Variants in KCNJ3 observed in about 807,000 individuals in gnomAD.
The protein encoded by KCNJ3 is G protein-activated inward rectifier potassium channel 1.
A neutral mutation model predicts 39.2 loss-of-function variants in KCNJ3; 4 were observed. The ratio of observed to expected loss-of-function variants is 0.10; its 90% CI spans 0.05 to 0.23. The LOEUF is 0.23. Among genes scored for constraint, KCNJ3 ranks in the 10% least tolerant of loss-of-function variants. The pLI is 1.00. For synonymous variants in KCNJ3, 230 were observed against 237.4 expected (o/e 0.97, Z 0.29); for missense variants, 276 against 634.9 (o/e 0.43, Z 6.08).
intron 2 of KCNJ3, among the ~76,000 whole-genome samples, chr2:154,813,736 T>TA (rs1218245249): frequency 6.6e-6 from 1 of 152,186 alleles, no homozygotes; most frequent in Non-Finnish European, 1.5e-5. Context: ...AATGTGTAAC[T>TA]CTTGTTATGG....
At chr2:154,746,120 A>ATTTTC (rs1426965804) in intron 2 of KCNJ3, among the ~76,000 whole-genome samples, 2 of 152,026 alleles carry the variant, frequency 1.3e-5, no homozygotes, top group African/African-American at 4.8e-5. Context: ...TACTTAATGA[A>ATTTTC]TAGTAAATAG....
rs903226697 is a variant in KCNJ3, at chr2:154,855,460, T to C, written c.*147T>C. On this transcript the variant is annotated 3_prime_UTR_variant, in exon 3 of 3. Coordinates refer to ENST00000295101, the MANE Select transcript of KCNJ3 (RefSeq NM_002239.4). Reference sequence around the variant, plus strand: ...TGAGAACCCTTCCTTTCCCAAGTATTGCGAATGTGCAGAAAGCAACAGTTA... The same window carrying C: ...TGAGAACCCTTCCTTTCCCAAGTATCGCGAATGTGCAGAAAGCAACAGTTA... 1.1e-5 allele frequency: 7 copies of C among 621,328 alleles called. 1 individual carries two copies. The East Asian group carries it at 1.9e-4, about 17-fold the overall frequency. The allele number at this position is 621,328 out of a possible 1,614,324, so 38.5% of individuals were successfully genotyped here.
In KCNJ3 at chr2:154,698,962, G is replaced by C. The variant is rs1392113942; in HGVS notation, c.187G>C (p.Glu63Gln). ...CNVQHGNLGS[E>Q]TSRYLSDLFT... ...TGTACAGCACGGCAACCTGGGCAGC[G>C]AGACAAGCCGCTACCTCTCGGACCT... The change falls in exon 1 of 3, where the codon GAG becomes CAG. Residue 63 changes from glutamate to glutamine, a missense_variant. Around this residue, in one of 4 missense-constraint regions of KCNJ3, gnomAD observed 46 missense variants for 206.6 expected, o/e 0.22. Coordinates refer to ENST00000295101, the MANE Select transcript of KCNJ3 (RefSeq NM_002239.4). 1 of 1,614,156 alleles carries C rather than the reference G, an allele frequency of 6.2e-7. No homozygotes were observed. The highest frequency in any genetic ancestry group is 8.5e-7 in the Non-Finnish European group (1 of 1,180,030).
chr2:154,740,999 G>T (rs952400356), intron 2 of KCNJ3, among the ~76,000 whole-genome samples: 5 of 151,910 alleles, frequency 3.3e-5, no homozygotes, highest in African/African-American at 1.2e-4. Flanking sequence ...TGGAATTAAT[G>T]TTGAGAGAAT....
At chr2:154,848,004 A>G (rs571810048) in intron 2 of KCNJ3, among the ~76,000 whole-genome samples, 33 of 152,290 alleles carry the variant, frequency 2.2e-4, no homozygotes, top group Middle Eastern at 3.4e-3. Flanking sequence ...GTGATACCAA[A>G]AGGCTTTGTT....
At chr2:154,790,000 G>A (rs936868169) in intron 2 of KCNJ3, among the ~76,000 whole-genome samples, 1 of 152,004 alleles carries the variant, frequency 6.6e-6, no homozygotes, top group African/African-American at 2.4e-5. Context: ...GTTCCATCAA[G>A]TCTTATTAAG....
chr2:154,809,461 C>A (rs1445736941), intron 2 of KCNJ3, among the ~76,000 whole-genome samples: 1 of 152,066 alleles, frequency 6.6e-6, no homozygotes, highest in Non-Finnish European at 1.5e-5. Flanking sequence ...GGTTAATTAC[C>A]AAATTGAGAG....
intron 1 of KCNJ3, among the ~76,000 whole-genome samples, chr2:154,708,121 C>CT (rs1003724551): frequency 1.3e-5 from 2 of 150,512 alleles, no homozygotes; most frequent in Non-Finnish European, 2.9e-5. Context: ...TCATAGCCTT[C>CT]TTTTTTCAGC....
intron 2 of KCNJ3, among the ~76,000 whole-genome samples, chr2:154,720,190 G>A (rs1685246150): frequency 6.6e-6 from 1 of 152,058 alleles, no homozygotes; most frequent in African/African-American, 2.4e-5. Flanking sequence ...GACAGGGTAG[G>A]GAGGGAAGGA....
chr2:154,761,045 T>A (rs1029873137), intron 2 of KCNJ3, among the ~76,000 whole-genome samples: 5 of 135,680 alleles, frequency 3.7e-5, no homozygotes, highest in African/African-American at 1.0e-4. Context: ...CCCCCTTAAA[T>A]TTTTTTTTAA....
intron 2 of KCNJ3, among the ~76,000 whole-genome samples, chr2:154,836,934 A>G (rs967332861): frequency 6.6e-6 from 1 of 152,230 alleles, no homozygotes; most frequent in Non-Finnish European, 1.5e-5. Flanking sequence ...CTATGTAAAG[A>G]GTAAGACTCA....
intron 2 of KCNJ3, among the ~76,000 whole-genome samples, chr2:154,721,745 A>G (rs1053620322): frequency 2.0e-5 from 3 of 152,144 alleles, no homozygotes; most frequent in African/African-American, 2.4e-5. Context: ...TAAAGATAAC[A>G]TGCACCTTAA....
In KCNJ3 at chr2:154,856,087, G is replaced by GT. The variant is rs1482572944; in HGVS notation, c.*775dup. On this transcript the variant is annotated 3_prime_UTR_variant, in exon 3 of 3. Coordinates refer to ENST00000295101, the MANE Select transcript of KCNJ3 (RefSeq NM_002239.4). ...AAATTGTAAATTTTAGAGCATACCA[G>GT]TACTCAGTATAGCATTGAACATTTC... 7.9e-5 allele frequency: 12 copies of GT among 152,484 alleles called. No individual in the cohort carries two copies. The highest frequency in any genetic ancestry group is 5.9e-4 in the Admixed American group (9 of 15,270). 9.4% of individuals were successfully genotyped at this position (152,484 alleles called of 1,614,324 possible).
chr2:154,712,397 C>T (rs747580953), intron 2 of KCNJ3, among the ~76,000 whole-genome samples: 1 of 152,176 alleles, frequency 6.6e-6, no homozygotes, highest in Admixed American at 6.5e-5. Context: ...AACAAGAATA[C>T]TGTTTTTACT....
chr2:154,829,498 T>C (rs74773441), intron 2 of KCNJ3, among the ~76,000 whole-genome samples: 2,229 of 152,282 alleles, frequency 0.015, 64 homozygotes, highest in African/African-American at 0.051. Flanking sequence ...CCATGATGTA[T>C]ATGTATCACA....
chr2:154,854,771 C>A lies in KCNJ3; in HGVS notation c.964C>A (p.Leu322Ile). ...ARTSYTEDEV[L>I]WGHRFFPVIS... Reference sequence around the variant, plus strand: ...AACATCATATACTGAAGATGAAGTTCTTTGGGGTCATCGTTTTTTTCCTGT... The same window carrying A: ...AACATCATATACTGAAGATGAAGTTATTTGGGGTCATCGTTTTTTTCCTGT... Residue 322 changes from leucine (L) to isoleucine (I), a missense_variant, in exon 3 of 3, where the codon CTT becomes ATT. Leu to Ile is a conservative substitution (Grantham distance 5). Coordinates refer to ENST00000295101, the MANE Select transcript of KCNJ3 (RefSeq NM_002239.4). 1 of 1,613,822 alleles carries A rather than the reference C, an allele frequency of 6.2e-7. No individual in the cohort carries two copies. The highest frequency in any genetic ancestry group is 1.7e-5 in the Admixed American group (1 of 59,992).
chr2:154,745,505 T>C (rs902314401), intron 2 of KCNJ3, among the ~76,000 whole-genome samples: 7 of 152,042 alleles, frequency 4.6e-5, no homozygotes, highest in African/African-American at 1.7e-4. Context: ...TTATTTCTGT[T>C]GTTGTGTTTT....
chr2:154,722,154 A>C (rs1685272307), intron 2 of KCNJ3, among the ~76,000 whole-genome samples: 1 of 151,708 alleles, frequency 6.6e-6, no homozygotes, highest in African/African-American at 2.4e-5. Flanking sequence ...CAGCAAATAC[A>C]CTAAAAGTTG....
intron 2 of KCNJ3, among the ~76,000 whole-genome samples, chr2:154,778,417 A>G (rs1686376473): frequency 6.6e-6 from 1 of 152,194 alleles, no homozygotes; most frequent in Non-Finnish European, 1.5e-5. Context: ...TCTTTCAAGA[A>G]TAAATGACAG....
Sources: gnomAD v4.1 joint callset for allele counts (sites outside exome capture counted in the v4.1 genomes callset) on GRCh38, gnomAD v4.1.1 for gene constraint, gnomAD v4.1.1 regional missense constraint, MANE v1.5 for transcripts, NCBI Gene and HGNC (gene_info 2026-07-23, HGNC 2026-07-21) for gene names.